Variants in FILIP1L observed in about 807,000 individuals in gnomAD.
FILIP1L encodes filamin A-interacting protein 1-like.
Under a neutral mutation model 96.6 loss-of-function variants are expected in FILIP1L, and 55 were observed. The observed-to-expected ratio is 0.57, with a 90% CI of 0.46 to 0.71. The LOEUF is 0.71. Among genes scored for constraint, FILIP1L ranks in the 30% least tolerant of loss-of-function variants. The pLI is 0.00. For synonymous variants in FILIP1L, 467 were observed against 473.9 expected (o/e 0.99, Z 0.19); for missense variants, 1,304 against 1,321.2 (o/e 0.99, Z 0.20).
chr3:99,903,485 C>T (rs962733822), intron 4 of FILIP1L, among the ~76,000 whole-genome samples: 3 of 151,972 alleles, frequency 2.0e-5, no homozygotes, highest in Non-Finnish European at 4.4e-5. Flanking sequence ...CCCCTGACCT[C>T]GTGATCCACC....
At chr3:100,011,510 T>C (rs543945292) in intron 1 of FILIP1L, among the ~76,000 whole-genome samples, 1 of 152,268 alleles carries the variant, frequency 6.6e-6, no homozygotes, top group African/African-American at 2.4e-5. Flanking sequence ...TCCCTCCAGT[T>C]TTAATTTTAT....
chr3:99,999,922 C>A (rs539017733), intron 1 of FILIP1L, among the ~76,000 whole-genome samples: 2 of 152,216 alleles, frequency 1.3e-5, no homozygotes, highest in African/African-American at 4.8e-5. Flanking sequence ...GGACTATGGG[C>A]CTCTGTTTGT....
At chr3:100,023,622 C>G (rs1162905170) in intron 1 of FILIP1L, 1 of 152,340 alleles carries the variant, frequency 6.6e-6, no homozygotes, top group African/African-American at 2.4e-5. Context: ...ATTATTTGCT[C>G]TAATAATGTA....
At position 99,849,016 on chromosome 3, in the gene FILIP1L, A is replaced by G. The variant is rs776867482; in HGVS notation, c.2660T>C (p.Val887Ala). ...KMQTKPNANF[V>A]QPGDLVLSHT... ...GCTTAGGACTAGATCTCCAGGTTGCACAAAGTTGGCATTGGGTTTAGTTTG... is the reference window on the plus strand; with the variant it reads ...GCTTAGGACTAGATCTCCAGGTTGCGCAAAGTTGGCATTGGGTTTAGTTTG... Residue 887 changes from valine to alanine, a missense_variant, in exon 5 of 6, where the codon GTG becomes GCG. Physicochemically the swap from Val to Ala is moderately conservative, Grantham distance 64. Coordinates refer to ENST00000477258, the MANE Select transcript of FILIP1L (RefSeq NM_001387850.1). 1.9e-6 allele frequency: 3 copies of G among 1,614,048 alleles called. No homozygotes were observed. The highest frequency in any genetic ancestry group is 2.7e-5 in the African/African-American group (2 of 74,920).
intron 4 of FILIP1L, among the ~76,000 whole-genome samples, chr3:99,864,075 TG>T (rs1426018758): frequency 6.6e-6 from 1 of 152,236 alleles, no homozygotes; most frequent in African/African-American, 2.4e-5. Flanking sequence ...GGAATTAATA[TG>T]TAGGAGGTAT....
chr3:99,920,871 C>T (rs1412864026), intron 4 of FILIP1L, among the ~76,000 whole-genome samples: 1 of 152,186 alleles, frequency 6.6e-6, no homozygotes. Flanking sequence ...ACCTCAATCA[C>T]GTAGTTCTTA....
intron 1 of FILIP1L, among the ~76,000 whole-genome samples, chr3:99,937,569 A>C (rs1056433415): frequency 1.3e-5 from 2 of 152,214 alleles, no homozygotes; most frequent in Non-Finnish European, 2.9e-5. Context: ...CTTTAAATGT[A>C]AAATGGAGAT....
At chr3:100,001,202 C>T (rs1365725700) in intron 1 of FILIP1L, among the ~76,000 whole-genome samples, 1 of 152,176 alleles carries the variant, frequency 6.6e-6, no homozygotes, top group Non-Finnish European at 1.5e-5. Context: ...TGTCTCAGTT[C>T]ACCTATTTAA....
intron 4 of FILIP1L, among the ~76,000 whole-genome samples, chr3:99,894,639 T>A (rs777959553): frequency 1.3e-5 from 2 of 152,246 alleles, no homozygotes; most frequent in Non-Finnish European, 2.9e-5. Context: ...GTTTACTATC[T>A]TGCAGAAAGA....
intron 1 of FILIP1L, among the ~76,000 whole-genome samples, chr3:100,101,549 AC>A (rs1332340127): frequency 6.6e-6 from 1 of 152,028 alleles, no homozygotes; most frequent in Non-Finnish European, 1.5e-5. Context: ...AAATAAATAT[AC>A]CCTTCAAAGT....
chr3:100,032,693 A>C (rs2065040325), intron 1 of FILIP1L, among the ~76,000 whole-genome samples: 1 of 152,204 alleles, frequency 6.6e-6, no homozygotes, highest in South Asian at 2.1e-4. Flanking sequence ...CATTTTTTAA[A>C]ATAGTATGAA....
chr3:100,068,384 CAG>C, intron 1 of FILIP1L, among the ~76,000 whole-genome samples: 1 of 138,848 alleles, frequency 7.2e-6, no homozygotes, highest in African/African-American at 2.7e-5. Flanking sequence ...GTGTGTGTGT[CAG>C]AGAGATATAG....
intron 1 of FILIP1L, among the ~76,000 whole-genome samples, chr3:100,054,915 GGA>G (rs2065438950): frequency 1.3e-5 from 2 of 152,156 alleles, no homozygotes; most frequent in Admixed American, 6.5e-5. Flanking sequence ...TGTTAAGCTT[GGA>G]TTTCATTAAT....
chr3:99,916,918 C>T (rs974309400), intron 4 of FILIP1L, among the ~76,000 whole-genome samples: 1 of 152,180 alleles, frequency 6.6e-6, no homozygotes, highest in Non-Finnish European at 1.5e-5. Context: ...GGAAAGTTTA[C>T]CTATGAGTTG....
chr3:99,896,924 A>G (rs1706274188), intron 4 of FILIP1L, among the ~76,000 whole-genome samples: 1 of 152,232 alleles, frequency 6.6e-6, no homozygotes, highest in Non-Finnish European at 1.5e-5. Context: ...CCTGTCATAC[A>G]TGGCTAATAA....
At chr3:100,018,910 G>A (rs1710423132) in intron 1 of FILIP1L, among the ~76,000 whole-genome samples, 2 of 152,168 alleles carry the variant, frequency 1.3e-5, no homozygotes, top group Admixed American at 6.5e-5. Context: ...ACATCTCTCA[G>A]AAGAAGATAA....
intron 5 of FILIP1L, among the ~76,000 whole-genome samples, chr3:99,832,873 T>TCTTGTATGAC (rs1942741091): frequency 1.3e-5 from 2 of 150,486 alleles, no homozygotes; most frequent in East Asian, 2.0e-4. Flanking sequence ...TTTTTTTTTT[T>TCTTGTATGAC]TTCTTGTATG....
chr3:99,966,411 G>A (rs1708653198), intron 1 of FILIP1L, among the ~76,000 whole-genome samples: 1 of 151,530 alleles, frequency 6.6e-6, no homozygotes. Flanking sequence ...TTTTTTTTCG[G>A]CTATATATAG....
At chr3:100,010,778 A>AT (rs11371196) in intron 1 of FILIP1L, among the ~76,000 whole-genome samples, 64,512 of 94,016 alleles carry the variant, frequency 0.69, 22,058 homozygotes, top group Middle Eastern at 0.82. Flanking sequence ...CCACGCCCGG[A>AT]TTTTTTTTTT....
Sources: gnomAD v4.1 joint callset for allele counts (sites outside exome capture counted in the v4.1 genomes callset) on GRCh38, gnomAD v4.1.1 for gene constraint, MANE v1.5 for transcripts, NCBI Gene and HGNC (gene_info 2026-07-23, HGNC 2026-07-21) for gene names.